The following CCDC88C variants were observed in gnomAD, a reference collection of about 807,000 sequenced individuals.
CCDC88C encodes the protein protein Daple.
Under a neutral mutation model 198.8 loss-of-function variants are expected in CCDC88C, and 131 were observed. That is an observed-to-expected ratio of 0.66 (90% CI 0.57 to 0.76). CCDC88C has a LOEUF of 0.76. CCDC88C is among the 30% of genes least tolerant of loss of function. The pLI, the probability that CCDC88C is intolerant of heterozygous loss-of-function variation, is 0.00. For missense variants in CCDC88C, 2,553 were observed against 2,631.6 expected, an observed-to-expected ratio of 0.97 and a Z score of 0.65; for synonymous variants, 1,166 against 1,114.7, an observed-to-expected ratio of 1.05 and a Z score of -0.92.
At chr14:91,396,590 G>A (rs1011866118) in intron 3 of CCDC88C, among the ~76,000 whole-genome samples, 2 of 152,058 alleles carry the variant, frequency 1.3e-5, no homozygotes, top group African/African-American at 2.4e-5. Flanking sequence ...GCTCACTCGC[G>A]GCTTCTGCAA....
At chr14:91,405,914 T>C (rs1886459726) in intron 3 of CCDC88C, among the ~76,000 whole-genome samples, 1 of 152,252 alleles carries the variant, frequency 6.6e-6, no homozygotes, top group African/African-American at 2.4e-5. Flanking sequence ...CAGCAAGTAC[T>C]GTCAGCATAC....
intron 3 of CCDC88C, among the ~76,000 whole-genome samples, chr14:91,402,795 A>G (rs1276784592): frequency 6.6e-6 from 1 of 152,220 alleles, no homozygotes; most frequent in Non-Finnish European, 1.5e-5. Context: ...GTTCGTTATG[A>G]CCACTTGTAC....
At chr14:91,321,528 T>C (rs1258116840) in intron 12 of CCDC88C, among the ~76,000 whole-genome samples, 1 of 152,184 alleles carries the variant, frequency 6.6e-6, no homozygotes, top group Non-Finnish European at 1.5e-5. Context: ...AATCCAGGGC[T>C]CAAGAAGGCG....
In CCDC88C at chr14:91,303,709, G is replaced by T. The variant is rs1227079682; in HGVS notation, c.3627C>A (p.Leu1209=). 6.4e-7 allele frequency: 1 copy of T among 1,571,968 alleles called. No homozygotes were observed. Among genetic ancestry groups the T allele is most frequent in the Non-Finnish European group, 8.6e-7 (1 of 1,157,060 alleles). The change falls in exon 20 of 30, where the codon CTC becomes CTA. Residue 1209 remains leucine, a synonymous_variant. Coordinates refer to ENST00000389857, the MANE Select transcript of CCDC88C (RefSeq NM_001080414.4). ...HRNLELEHKE[L]GERHGDMLKR... Reference sequence around the variant, plus strand: ...CCTTCCCCAGGCCCTACCTCTCCCCGAGCTCCTTGTGCTCCAGCTCCAGAT... The same window carrying T: ...CCTTCCCCAGGCCCTACCTCTCCCCTAGCTCCTTGTGCTCCAGCTCCAGAT...
At chr14:91,342,128 C>T (rs1893336700) in intron 6 of CCDC88C, 1 of 391,356 alleles carries the variant, frequency 2.6e-6, no homozygotes, top group Non-Finnish European at 4.6e-6. Flanking sequence ...AAGAAGGAGA[C>T]AAAAGATGAC....
chr14:91,280,365 CA>C (rs1302928012), intron 27 of CCDC88C, among the ~76,000 whole-genome samples: 1 of 152,250 alleles, frequency 6.6e-6, no homozygotes, highest in African/African-American at 2.4e-5. Flanking sequence ...GTCCAGAAAA[CA>C]CCTGCTAGCA....
At chr14:91,361,826 G>A (rs1015323433) in intron 3 of CCDC88C, among the ~76,000 whole-genome samples, 1 of 152,070 alleles carries the variant, frequency 6.6e-6, no homozygotes, top group African/African-American at 2.4e-5. Context: ...TACCACCCCC[G>A]GCAAAATACA....
At chr14:91,358,419 G>A (rs957137470) in intron 4 of CCDC88C, among the ~76,000 whole-genome samples, 1 of 152,130 alleles carries the variant, frequency 6.6e-6, no homozygotes, top group Admixed American at 6.5e-5. Context: ...ACTCCAGGAG[G>A]CCCCAGACCT....
At chr14:91,311,255 G>A (rs1891810271) in intron 15 of CCDC88C, among the ~76,000 whole-genome samples, 1 of 152,232 alleles carries the variant, frequency 6.6e-6, no homozygotes, top group Admixed American at 6.5e-5. Flanking sequence ...ACTAACCTAC[G>A]CTAACGAGCC....
At chr14:91,289,423 G>T in intron 24 of CCDC88C, 80 bp from the exon 25 acceptor site, 1 of 1,236,600 alleles carries the variant, frequency 8.1e-7, no homozygotes, top group Non-Finnish European at 1.2e-6. Flanking sequence ...AACATGGGCT[G>T]GGATGTTCTT....
intron 2 of CCDC88C, 89 bp downstream of exon 2, chr14:91,416,649 C>T (rs751480200): frequency 5.2e-6 from 5 of 956,302 alleles, no homozygotes; most frequent in South Asian, 1.4e-5. Context: ...ACCCCACACA[C>T]ACCCCGCCAT....
chr14:91,361,739 G>C (rs1383699925), intron 3 of CCDC88C, among the ~76,000 whole-genome samples: 4 of 152,158 alleles, frequency 2.6e-5, no homozygotes, highest in Non-Finnish European at 4.4e-5. Context: ...CCCTCCTTTA[G>C]GGCTTGGGAA....
At chr14:91,303,649 T>A in intron 20 of CCDC88C, 52 bp downstream of exon 20, 1 of 1,384,798 alleles carries the variant, frequency 7.2e-7, no homozygotes, top group Non-Finnish European at 9.6e-7. Flanking sequence ...GGGCCCAGCC[T>A]CTCCTCTGGA....
chr14:91,412,147 A>G (rs1458452911), intron 2 of CCDC88C, among the ~76,000 whole-genome samples: 1 of 152,052 alleles, frequency 6.6e-6, no homozygotes, highest in Non-Finnish European at 1.5e-5. Context: ...TGACACAGAG[A>G]GATATCCCTA....
chr14:91,342,575 C>T, intron 5 of CCDC88C, 112 bp from the exon 6 acceptor site: 1 of 728,260 alleles, frequency 1.4e-6, no homozygotes, highest in Non-Finnish European at 2.5e-6. Context: ...CCGGGCTTCT[C>T]CTTCATAACT....
intron 4 of CCDC88C, among the ~76,000 whole-genome samples, chr14:91,346,140 A>T (rs1429899239): frequency 1.3e-5 from 2 of 152,250 alleles, no homozygotes; most frequent in African/African-American, 4.8e-5. Flanking sequence ...ATCCCTGGGT[A>T]TAAGTAGTGA....
chr14:91,273,485 T>C lies in CCDC88C; in HGVS notation c.5227A>G (p.Arg1743Gly). 6.4e-7 allele frequency: 1 copy of C among 1,558,950 alleles called. No homozygotes were observed. The highest frequency in any genetic ancestry group is 8.7e-7 in the Non-Finnish European group (1 of 1,150,446). ...ACGTACTGCCCGGGCTTCAGCGGCC[T>C]CCCCTCCGAGGTGGGGGCGGCCATT... is the stretch of plus-strand genomic sequence containing the variant. ...VKMAAPTSEG[R>G]PLKPGQYVKP... is the part of the protein sequence containing the mutation. Residue 1743 changes from arginine (R) to glycine (G), a missense_variant, in exon 30 of 30, where the codon AGG becomes GGG. By Grantham distance (125) the Arg-to-Gly change is moderately radical. Around this residue, in one of 2 missense-constraint regions of CCDC88C, gnomAD observed 1,293 missense variants for 1,219.6 expected, o/e 1.06. Transcript: ENST00000389857. The surrounding 1 kb of genome is among the most constrained non-coding windows in gnomAD (Gnocchi z 5.6).
In CCDC88C at chr14:91,307,103, C is replaced by T. The variant is rs200532557; in HGVS notation, c.3130G>A (p.Gly1044Ser). 354 of 1,613,898 alleles carry T rather than the reference C, an allele frequency of 2.2e-4. No homozygotes were observed. The highest frequency in any genetic ancestry group is 2.9e-4 in the Non-Finnish European group (346 of 1,179,858). Reference sequence around the variant, plus strand: ...AGCTCCATGGTGGCTTCCTTATGGCCGGGCCCCCAGGCCTCCTTCCCCTGG... The same window carrying T: ...AGCTCCATGGTGGCTTCCTTATGGCTGGGCCCCCAGGCCTCCTTCCCCTGG... ...SHQGKEAWGP[G>S]HKEATMELLR... Residue 1044 changes from glycine to serine, a missense_variant, in exon 18 of 30, where the codon GGC becomes AGC. Physicochemically the swap from Gly to Ser is moderately conservative, Grantham distance 56 (BLOSUM62 0). Coordinates refer to ENST00000389857, the MANE Select transcript of CCDC88C (RefSeq NM_001080414.4).
rs182934658 is a variant in CCDC88C at position 91,321,859 on chromosome 14, T to C, written c.1343-555A>G. Among the ~76,000 whole-genome samples the C allele has an allele frequency of 1.7e-3, 253 of 152,326 alleles. 1 individual carries two copies. Among genetic ancestry groups the C allele is most frequent in the African/African-American group, 5.6e-3 (233 of 41,564 alleles). On this transcript the variant is annotated intron_variant, in intron 12 of 29. Transcript: ENST00000389857. ...ACAATTATGTTGAAGAAAACTGTGA[T>C]AGTGTATGCAAATTACTTTTAAAAT...
Sources: gnomAD v4.1 joint callset for allele counts (sites outside exome capture counted in the v4.1 genomes callset) on GRCh38, gnomAD v4.1.1 for gene constraint, gnomAD v4.1.1 regional missense constraint, Gnocchi (gnomAD v3.1) non-coding constraint, MANE v1.5 for transcripts, NCBI Gene and HGNC (gene_info 2026-07-23, HGNC 2026-07-21) for gene names.